The following TTLL6 variants were observed in gnomAD, a reference collection of about 807,000 sequenced individuals.
The protein encoded by TTLL6 is tubulin polyglutamylase TTLL6.
Under a neutral mutation model 96.4 loss-of-function variants are expected in TTLL6, and 75 were observed. The ratio of observed to expected loss-of-function variants is 0.78; its 90% CI spans 0.65 to 0.94. The LOEUF is 0.94. Among genes scored for constraint, TTLL6 ranks in the 40% least tolerant of loss-of-function variants. TTLL6 has a pLI of 0.00. For synonymous variants in TTLL6, 411 were observed against 419.4 expected, an observed-to-expected ratio of 0.98 and a Z score of 0.24; for missense variants, 1,030 against 1,093.0, an observed-to-expected ratio of 0.94 and a Z score of 0.81.
At chr17:48,802,396 C>G (rs945305656) in intron 3 of TTLL6, among the ~76,000 whole-genome samples, 1 of 152,178 alleles carries the variant, frequency 6.6e-6, no homozygotes, top group Non-Finnish European at 1.5e-5. Flanking sequence ...TTTTTAAGTA[C>G]ACACTGGATT....
At chr17:48,801,468 G>T in intron 4 of TTLL6, 57 bp downstream of exon 4, 1 of 1,550,830 alleles carries the variant, frequency 6.4e-7, no homozygotes, top group South Asian at 1.2e-5. Flanking sequence ...TGTAAAAATG[G>T]GGCCCCGCCG....
chr17:48,799,893 G>T, intron 5 of TTLL6, 133 bp from the exon 6 acceptor site: 1 of 771,758 alleles, frequency 1.3e-6, no homozygotes. Context: ...ATGCCCAGAG[G>T]TCCAGCAATG....
chr17:48,816,778 G>C (rs2039673289), intron 1 of TTLL6, among the ~76,000 whole-genome samples, 192 bp downstream of exon 1: 1 of 152,118 alleles, frequency 6.6e-6, no homozygotes, highest in Non-Finnish European at 1.5e-5. Context: ...CTGAGAAGGG[G>C]GGAGTCCCGG....
At chr17:48,781,479 T>G (rs187462856) in intron 13 of TTLL6, among the ~76,000 whole-genome samples, 27 of 152,330 alleles carry the variant, frequency 1.8e-4, no homozygotes, top group Non-Finnish European at 2.9e-5. Flanking sequence ...TTTTTCATTT[T>G]TTTAAAAGTA....
intron 2 of TTLL6, 162 bp downstream of exon 2, chr17:48,804,609 CG>C (rs1347782422): frequency 4.5e-6 from 3 of 659,382 alleles, no homozygotes; most frequent in East Asian, 5.9e-5. Context: ...AACAGATCAT[CG>C]AAAGTAGATT....
At chr17:48,799,445 C>A (rs932572791) in intron 6 of TTLL6, among the ~76,000 whole-genome samples, 159 bp downstream of exon 6, 2 of 152,228 alleles carry the variant, frequency 1.3e-5, no homozygotes, top group Non-Finnish European at 1.5e-5. Context: ...CGTGTCAGCA[C>A]CCCGGTCAGA....
chr17:48,804,929 C>T lies in TTLL6; in HGVS notation c.166G>A (p.Glu56Lys). 6.8e-7 allele frequency: 1 copy of T among 1,470,786 alleles called. No homozygotes were observed. Among genetic ancestry groups the T allele is most frequent in the Non-Finnish European group, 9.2e-7 (1 of 1,084,586 alleles). 91.1% of individuals were successfully genotyped at this position (1,470,786 alleles called of 1,614,324 possible). A position where few individuals can be genotyped will look rare whatever the true frequency, so the allele number is the denominator to read the frequency against. ...AREMPQCPTL[E>K]SQEGENSEEK... ...TCGGAGTTTTCCCCTTCCTGGCTTT[C>T]CAAAGTCGGGCACTGTGGCATCTCC... Residue 56 changes from glutamate (E) to lysine (K), a missense_variant, in exon 2 of 16, where the codon GAA becomes AAA. Physicochemically the swap from Glu to Lys is moderately conservative, Grantham distance 56. Transcript: ENST00000393382.
In TTLL6 at chr17:48,797,044, G is replaced by T; in HGVS notation, c.912+17C>A. ...CGCTATGGGGGTAGGGTGAGGTAGT[G>T]TGTCTCCTTAGCTCACCAGGTTGTC... On this transcript the variant is annotated intron_variant, in intron 7 of 15. Transcript: ENST00000393382. 6.5e-7 allele frequency: 1 copy of T among 1,548,376 alleles called. No individual in the cohort carries two copies. The highest frequency in any genetic ancestry group is 8.7e-7 in the Non-Finnish European group (1 of 1,145,200).
chr17:48,783,101 C>T (rs556765799), intron 13 of TTLL6, among the ~76,000 whole-genome samples: 16 of 152,200 alleles, frequency 1.1e-4, no homozygotes, highest in Non-Finnish European at 1.6e-4. Context: ...TATGCCTAAG[C>T]ACTGTTTTAG....
chr17:48,815,853 T>A (rs2039660973), intron 1 of TTLL6: 1 of 152,220 alleles, frequency 6.6e-6, no homozygotes, highest in African/African-American at 2.4e-5. Context: ...TGAGAAATTC[T>A]GCAAGATTGG....
At position 48,769,728 on chromosome 17, in the gene TTLL6, G is replaced by A. The variant is rs2038693892; in HGVS notation, c.2410C>T (p.Gln804Ter). 1.9e-6 allele frequency: 3 copies of A among 1,613,418 alleles called. No individual in the cohort carries two copies. Among genetic ancestry groups the A allele is most frequent in the Non-Finnish European group, 2.5e-6 (3 of 1,179,692 alleles). The part of the protein sequence containing the change: ...NPKLGMNNLS[Q>*]NPSLPGECHS... ...CATCCCTGTACACACTGGCACTCAC[G>A]TGACAGGTTATTCATCCCCAGCTTG... is the stretch of plus-strand genomic sequence containing the variant. The change falls in exon 14 of 16, where the codon CAA becomes TAA. Residue 804 changes from glutamine to a stop codon, truncating the protein, a stop_gained and splice_region_variant. Transcript: ENST00000393382. LOFTEE classifies it high-confidence loss of function.
intron 11 of TTLL6, among the ~76,000 whole-genome samples, chr17:48,787,225 C>T (rs2039117263): frequency 1.3e-5 from 2 of 152,130 alleles, no homozygotes; most frequent in Admixed American, 6.5e-5. Flanking sequence ...ATGAGTCCCT[C>T]CAGCTCCTGG....
At chr17:48,779,596 CA>C (rs1172431143) in intron 13 of TTLL6, among the ~76,000 whole-genome samples, 1 of 151,940 alleles carries the variant, frequency 6.6e-6, no homozygotes, top group East Asian at 1.9e-4. Flanking sequence ...ATGATGTGTA[CA>C]AAAATGTTCA....
chr17:48,797,761 C>T (rs182801079), intron 6 of TTLL6, among the ~76,000 whole-genome samples: 2 of 139,768 alleles, frequency 1.4e-5, no homozygotes, highest in Admixed American at 1.6e-4. Flanking sequence ...TCACTCCAGC[C>T]TGGGCGAAAG....
chr17:48,794,059 A>C, intron 8 of TTLL6: 1 of 1,241,392 alleles, frequency 8.1e-7, no homozygotes, highest in East Asian at 2.4e-5. Flanking sequence ...GAGCCCAGCA[A>C]GGGCAGGCGG....
intron 15 of TTLL6, among the ~76,000 whole-genome samples, chr17:48,763,569 G>T (rs944166781): frequency 2.0e-5 from 3 of 152,162 alleles, no homozygotes; most frequent in Non-Finnish European, 2.9e-5. Context: ...GGCTGAGGCA[G>T]GTGGATCACT....
rs560561358 is a variant in TTLL6 at position 48,784,763 on chromosome 17, G to A, written c.2040+160C>T. Among the ~76,000 whole-genome samples the A allele has an allele frequency of 2.0e-5, 3 of 152,298 alleles. No homozygotes were observed. The South Asian group carries it at 6.2e-4, about 32-fold the overall frequency. On this transcript the variant is annotated intron_variant, in intron 13 of 15. Transcript: ENST00000393382. Reference sequence around the variant, plus strand: ...ATCTTCCTAAATGCCGGTCCTCCCAGCAGCTATGCCATTCCACAGTGTGGG... The same window carrying A: ...ATCTTCCTAAATGCCGGTCCTCCCAACAGCTATGCCATTCCACAGTGTGGG...
chr17:48,768,888 CT>C, intron 15 of TTLL6, 100 bp downstream of exon 15: 1 of 1,267,342 alleles, frequency 7.9e-7, no homozygotes. Flanking sequence ...ACCTGTATGT[CT>C]TTATCAATCC....
intron 13 of TTLL6, among the ~76,000 whole-genome samples, chr17:48,783,981 A>G (rs542149129): frequency 8.5e-5 from 13 of 152,294 alleles, no homozygotes; most frequent in Middle Eastern, 3.4e-3. Flanking sequence ...TTCATGTCCA[A>G]TTGGATAGAA....
Sources: gnomAD v4.1 joint callset for allele counts (sites outside exome capture counted in the v4.1 genomes callset) on GRCh38, gnomAD v4.1.1 for gene constraint, MANE v1.5 for transcripts, NCBI Gene and HGNC (gene_info 2026-07-23, HGNC 2026-07-21) for gene names.